The following SFI1 variants were observed in gnomAD, a reference collection of about 807,000 sequenced individuals.
SFI1 encodes the protein protein SFI1 homolog.
Under a neutral mutation model 207.5 loss-of-function variants are expected in SFI1, and 195 were observed. The ratio of observed to expected loss-of-function variants is 0.94; its 90% CI spans 0.84 to 1.06. The LOEUF is 1.06. SFI1 is among the 50% of genes least tolerant of loss of function. The pLI is 0.00. For missense variants in SFI1, 1,634 were observed against 1,588.0 expected (o/e 1.03, Z -0.49); for synonymous variants, 630 against 598.9 (o/e 1.05, Z -0.76).
intron 8 of SFI1, among the ~76,000 whole-genome samples, chr22:31,566,473 A>G (rs922341895): frequency 2.6e-5 from 4 of 152,232 alleles, no homozygotes; most frequent in Non-Finnish European, 4.4e-5. Context: ...GACCATACCA[A>G]TGCCATACTG....
At position 31,618,369 on chromosome 22, in the gene SFI1, T is replaced by C. The variant is rs568443588; in HGVS notation, c.3680T>C (p.Ile1227Thr). ...GAGCTCCAGGCTCAGCGCCAGCCCA[T>C]TGGCGCCTGCGTTGCCCGCATCCAG... ...AEELQAQRQP[I>T]GACVARIQAL... The change falls in exon 33 of 33, where the codon ATT becomes ACT. Residue 1227 changes from isoleucine (I) to threonine (T), a missense_variant. By Grantham distance (89) the Ile-to-Thr change is moderately conservative. Transcript: ENST00000400288. The C allele has an allele frequency of 1.6e-4, 258 of 1,607,768 alleles. No individual in the cohort carries two copies. The highest frequency in any genetic ancestry group is 2.0e-4 in the Non-Finnish European group (238 of 1,176,338).
intron 15 of SFI1, among the ~76,000 whole-genome samples, chr22:31,591,251 A>G (rs1033668668): frequency 3.9e-5 from 6 of 152,282 alleles, no homozygotes; most frequent in Non-Finnish European, 7.4e-5. Flanking sequence ...CTGAGTGGAC[A>G]CAGCACATGT....
chr22:31,600,218 CAG>C (rs1317692123), intron 15 of SFI1, among the ~76,000 whole-genome samples: 1 of 151,806 alleles, frequency 6.6e-6, no homozygotes, highest in Non-Finnish European at 1.5e-5. Flanking sequence ...TTTAAATAAT[CAG>C]TACTCTTTTT....
intron 2 of SFI1, among the ~76,000 whole-genome samples, chr22:31,517,792 G>C (rs541358325): frequency 6.6e-6 from 1 of 151,886 alleles, no homozygotes; most frequent in South Asian, 2.1e-4. Flanking sequence ...TTGTTCCTTC[G>C]GTCAATTTGT....
chr22:31,548,133 T>C (rs2060267824), intron 5 of SFI1, among the ~76,000 whole-genome samples: 1 of 150,982 alleles, frequency 6.6e-6, no homozygotes, highest in Non-Finnish European at 1.5e-5. Flanking sequence ...GGCAGGAGAA[T>C]GGCGTGAACC....
intron 28 of SFI1, 75 bp downstream of exon 28, chr22:31,614,935 G>T: frequency 6.3e-7 from 1 of 1,583,944 alleles, no homozygotes; most frequent in Non-Finnish European, 8.6e-7. Context: ...GCACCTCCAT[G>T]TGGGGCCTGT....
intron 2 of SFI1, among the ~76,000 whole-genome samples, 155 bp downstream of exon 2, chr22:31,508,531 A>G (rs2055006087): frequency 6.6e-6 from 1 of 152,212 alleles, no homozygotes; most frequent in Non-Finnish European, 1.5e-5. Context: ...CATCTATAAG[A>G]TAATACACAT....
chr22:31,519,914 T>G (rs1399676612), intron 2 of SFI1, among the ~76,000 whole-genome samples: 1 of 151,562 alleles, frequency 6.6e-6, no homozygotes, highest in Admixed American at 6.6e-5. Context: ...ATTTTGAGAC[T>G]GGGTTATGAC....
At chr22:31,561,154 C>T in intron 7 of SFI1, 136 bp from the exon 8 acceptor site, 2 of 667,206 alleles carry the variant, frequency 3.0e-6, no homozygotes, top group Non-Finnish European at 2.5e-6. Flanking sequence ...TATTTTTTTC[C>T]CCAGCAGTGA....
At chr22:31,566,446 A>G (rs1449950852) in intron 8 of SFI1, among the ~76,000 whole-genome samples, 1 of 152,172 alleles carries the variant, frequency 6.6e-6, no homozygotes, top group African/African-American at 2.4e-5. Context: ...TCTTCCATTC[A>G]TGTATTTGTC....
chr22:31,578,692 C>CT (rs1556078076), intron 11 of SFI1, among the ~76,000 whole-genome samples: 1 of 152,140 alleles, frequency 6.6e-6, no homozygotes, highest in Admixed American at 6.6e-5. Context: ...TAGTCCTGAG[C>CT]TTTTTTTACA....
At chr22:31,559,696 G>C in intron 7 of SFI1, 1 of 823,994 alleles carries the variant, frequency 1.2e-6, no homozygotes, top group East Asian at 2.5e-5. Flanking sequence ...CCATTATGCA[G>C]AATCCATGCC....
Position 31,613,741 on chromosome 22 carries a change from A to G in SFI1, c.2882A>G (p.Asn961Ser), listed in dbSNP as rs201040251. The change falls in exon 27 of 33, where the codon AAC (asparagine) becomes AGC (serine). Residue 961 changes from asparagine (N) to serine (S), a missense_variant. Transcript: ENST00000400288. ...RKVTFEGPLL[N>S]RIAAGAGDGT... ...GTGACGTTTGAGGGTCCCCTTCTCA[A>G]CCGCATTGCTGCTGGGGCTGGGGAT... 427 of 1,613,064 alleles carry G rather than the reference A, an allele frequency of 2.6e-4. 4 individuals are homozygous for G. The highest frequency in any genetic ancestry group is 4.1e-5 in the Non-Finnish European group (48 of 1,179,916).
intron 23 of SFI1, 71 bp downstream of exon 23, chr22:31,611,374 T>A: frequency 6.7e-7 from 1 of 1,492,376 alleles, no homozygotes; most frequent in South Asian, 1.3e-5. Context: ...GGAGACCATT[T>A]CTCAGGAAGG....
chr22:31,520,431 A>G (rs1457121074), intron 2 of SFI1, among the ~76,000 whole-genome samples: 2 of 152,108 alleles, frequency 1.3e-5, no homozygotes, highest in Non-Finnish European at 2.9e-5. Flanking sequence ...CAGATTTCCT[A>G]AAATGGTTCT....
intron 15 of SFI1, among the ~76,000 whole-genome samples, chr22:31,594,854 C>CAAAAAAAAA: frequency 1.3e-5 from 1 of 76,778 alleles, no homozygotes; most frequent in East Asian, 3.7e-4. Flanking sequence ...GACTCTGTCT[C>CAAAAAAAAA]AAAAAAAAAA....
chr22:31,496,958 A>T (rs2052767724), intron 1 of SFI1, among the ~76,000 whole-genome samples: 1 of 152,168 alleles, frequency 6.6e-6, no homozygotes, highest in Non-Finnish European at 1.5e-5. Context: ...GCTCGAGTCC[A>T]CGCAATGCCC....
At chr22:31,504,305 G>A (rs988948938) in intron 1 of SFI1, among the ~76,000 whole-genome samples, 2 of 152,092 alleles carry the variant, frequency 1.3e-5, no homozygotes, top group African/African-American at 4.8e-5. Context: ...CACTTATGAT[G>A]ACCTCTGTTA....
In SFI1 at chr22:31,613,162, G is replaced by A; in HGVS notation, c.2511G>A (p.Glu837=). The change falls in exon 25 of 33, where the codon GAG becomes GAA. Residue 837 remains glutamate (E), a synonymous_variant. Coordinates refer to ENST00000400288, the MANE Select transcript of SFI1 (RefSeq NM_001007467.3). ...WRQQLAARRQ[E]QRATVRALWF... is the part of the protein sequence containing the mutation. ...CCTAGCTGGCAGCCAGGAGGCAGGAGCAGCGGGCGACAGTGCGGGCCCTGT... is the reference window on the plus strand; with the variant it reads ...CCTAGCTGGCAGCCAGGAGGCAGGAACAGCGGGCGACAGTGCGGGCCCTGT... 6.2e-7 allele frequency: 1 copy of A among 1,613,686 alleles called. No homozygotes were observed. Among genetic ancestry groups the A allele is most frequent in the Middle Eastern group, 1.7e-4 (1 of 6,060 alleles).
Sources: gnomAD v4.1 joint callset for allele counts (sites outside exome capture counted in the v4.1 genomes callset) on GRCh38, gnomAD v4.1.1 for gene constraint, MANE v1.5 for transcripts, NCBI Gene and HGNC (gene_info 2026-07-23, HGNC 2026-07-21) for gene names.